The following TNIP1 variants were observed in gnomAD, a reference collection of about 807,000 sequenced individuals.
TNIP1 encodes the protein TNFAIP3-interacting protein 1.
A neutral mutation model predicts 86.6 loss-of-function variants in TNIP1; 22 were observed. The observed-to-expected ratio is 0.25, with a 90% CI of 0.18 to 0.36. The LOEUF is 0.36. TNIP1 is among the 10% of genes least tolerant of loss of function. The pLI is 1.00. For synonymous variants in TNIP1, 294 were observed against 313.0 expected (o/e 0.94, Z 0.64); for missense variants, 709 against 820.6 (o/e 0.86, Z 1.66).
At chr5:151,045,826 G>A in intron 9 of TNIP1, 35 bp downstream of exon 9, 1 of 1,604,416 alleles carries the variant, frequency 6.2e-7, no homozygotes, top group Non-Finnish European at 8.5e-7. Context: ...GGAGGTAAGA[G>A]GGATCCTCCC....
At chr5:151,035,752 G>C (rs988539726) in intron 13 of TNIP1, 45 bp from the exon 14 acceptor site, 4 of 1,609,044 alleles carry the variant, frequency 2.5e-6, no homozygotes, top group Non-Finnish European at 3.4e-6. Context: ...ATGGTCCTGA[G>C]TGGGGATTTC....
chr5:151,032,434 A>G (rs1192149573), intron 16 of TNIP1, 51 bp from the exon 17 acceptor site: 11 of 1,537,086 alleles, frequency 7.2e-6, no homozygotes, highest in African/African-American at 1.4e-5. Context: ...AAAAATTACA[A>G]TAGCACCTAC....
chr5:151,050,234 C>T (rs150678746), intron 7 of TNIP1, among the ~76,000 whole-genome samples: 4 of 152,346 alleles, frequency 2.6e-5, no homozygotes, highest in Admixed American at 6.5e-5. Flanking sequence ...CCCTGGATCA[C>T]ATTCTAGTGA....
chr5:151,038,230 C>T (rs979399952), intron 12 of TNIP1, among the ~76,000 whole-genome samples: 1 of 152,222 alleles, frequency 6.6e-6, no homozygotes, highest in African/African-American at 2.4e-5. Context: ...CCTAGGAATG[C>T]TCAACTCATG....
intron 1 of TNIP1, among the ~76,000 whole-genome samples, chr5:151,074,109 G>A (rs1387578476): frequency 1.3e-5 from 2 of 152,202 alleles, no homozygotes; most frequent in East Asian, 1.9e-4. Flanking sequence ...AGGGACAGAG[G>A]AAGGGGAAAG....
chr5:151,035,433 G>A, intron 14 of TNIP1, 149 bp downstream of exon 14: 1 of 1,139,586 alleles, frequency 8.8e-7, no homozygotes, highest in Admixed American at 2.2e-5. Context: ...TCAGAGAGGG[G>A]AAGGGCCTTG....
intron 6 of TNIP1, among the ~76,000 whole-genome samples, chr5:151,053,969 C>T (rs547691755): frequency 6.6e-6 from 1 of 152,298 alleles, no homozygotes; most frequent in East Asian, 1.9e-4. Flanking sequence ...GGACCAGGGC[C>T]ATTCACTAAA....
At position 151,041,071 on chromosome 5, in the gene TNIP1, CTT is replaced by C. The variant is rs397944698; in HGVS notation, c.1134+1467_1134+1468del. Among the ~76,000 whole-genome samples the C allele has an allele frequency of 4.3e-3, 606 of 139,318 alleles. 2 individuals carry two copies. Among genetic ancestry groups the C allele is most frequent in the African/African-American group, 0.014 (521 of 37,674 alleles). The allele number at this position is 139,318 out of a possible 152,430, so 91.4% of individuals were successfully genotyped here. On this transcript the variant is annotated intron_variant, in intron 11 of 17. Transcript: ENST00000521591. ...TCTCTGTAACTTCTTCTTCGTAGTA[CTT>C]TTTTTTTTTTTTTTTGAGACAGGGT...
intron 1 of TNIP1, among the ~76,000 whole-genome samples, chr5:151,073,034 C>T (rs1337921924): frequency 6.6e-6 from 1 of 152,000 alleles, no homozygotes; most frequent in Non-Finnish European, 1.5e-5. Flanking sequence ...TCAGCCTGGC[C>T]AACATGGCAA....
At position 151,056,862 on chromosome 5, in the gene TNIP1, G is replaced by A. The variant is rs376731584; in HGVS notation, c.531C>T (p.His177=). 9 of 1,605,386 alleles carry A rather than the reference G, an allele frequency of 5.6e-6. No individual in the cohort carries two copies. The African/African-American group carries it at 8.1e-5, about 14-fold the overall frequency. The change falls in exon 6 of 18, where the codon CAC becomes CAT. Residue 177 remains histidine, a synonymous_variant. Coordinates refer to ENST00000521591, the MANE Select transcript of TNIP1 (RefSeq NM_006058.5). ...GGCCCAGGTGGGTGAAGAGCTGGCC[G>A]TGGTCCGGCTCCTCGGCACACACAC... The part of the protein sequence containing the change: ...TLSVCAEEPD[H]GQLFTHLGRM...
chr5:151,060,040 G>A (rs944455609), intron 5 of TNIP1, among the ~76,000 whole-genome samples: 2 of 152,168 alleles, frequency 1.3e-5, no homozygotes, highest in African/African-American at 2.4e-5. Flanking sequence ...CATAGTGTGC[G>A]GAGGTGCCTG....
rs148964549 is a variant in TNIP1, at chr5:151,054,390, CAG to C, written c.628-2133_628-2132del. Among the ~76,000 whole-genome samples, 46 of 152,226 alleles carry C rather than the reference CAG, an allele frequency of 3.0e-4. No individual in the cohort carries two copies. The East Asian group carries it at 6.2e-3, about 20-fold the overall frequency. The stretch of plus-strand genomic sequence containing the variant: ...AATGAGGGAGATGAGGCTTAGCAAA[CAG>C]AGAACCAGCTGGGCATGGTGGCTCA... On this transcript the variant is annotated intron_variant, in intron 6 of 17. Coordinates refer to ENST00000521591, the MANE Select transcript of TNIP1 (RefSeq NM_006058.5).
intron 3 of TNIP1, 73 bp downstream of exon 3, chr5:151,063,540 G>C: frequency 1.3e-6 from 2 of 1,570,084 alleles, no homozygotes; most frequent in Non-Finnish European, 1.7e-6. Context: ...GGCATAAGAA[G>C]GGAGTTCACT....
intron 16 of TNIP1, among the ~76,000 whole-genome samples, chr5:151,033,200 G>A (rs1163157261): frequency 4.8e-5 from 7 of 145,484 alleles, no homozygotes; most frequent in Admixed American, 3.4e-4. Flanking sequence ...GGGGAGAGGA[G>A]CGGAGGGGAG....
rs779301336 is a variant in TNIP1, at chr5:151,035,597, G to C, written c.1506C>G (p.Thr502=). 6.2e-7 allele frequency: 1 copy of C among 1,614,146 alleles called. No homozygotes were observed. The highest frequency in any genetic ancestry group is 8.5e-7 in the Non-Finnish European group (1 of 1,180,016). Reference sequence around the variant, plus strand: ...TCACTCTTACCTGGGCATTTGACAGGGTGACCTGGGCCTGCAGCTTCTCCA... The same window carrying C: ...TCACTCTTACCTGGGCATTTGACAGCGTGACCTGGGCCTGCAGCTTCTCCA... The part of the protein sequence containing the change: ...KQVEKLQAQV[T]LSNAQLKAFK... Residue 502 remains threonine (T), a synonymous_variant, in exon 14 of 18, where the codon ACC becomes ACG. Transcript: ENST00000521591.
At chr5:151,057,736 C>T (rs1760859237) in intron 5 of TNIP1, among the ~76,000 whole-genome samples, 1 of 152,148 alleles carries the variant, frequency 6.6e-6, no homozygotes, top group South Asian at 2.1e-4. Context: ...AAACAAAAAA[C>T]TGTATTGAAC....
intron 5 of TNIP1, among the ~76,000 whole-genome samples, chr5:151,059,430 C>T (rs565629368): frequency 4.6e-5 from 7 of 152,310 alleles, no homozygotes; most frequent in African/African-American, 1.4e-4. Flanking sequence ...GGGGGCCCTG[C>T]ACTGGGCACT....
At chr5:151,045,667 G>C (rs191846014) in intron 9 of TNIP1, among the ~76,000 whole-genome samples, 194 bp downstream of exon 9, 259 of 152,286 alleles carry the variant, frequency 1.7e-3, no homozygotes, top group Admixed American at 2.7e-3. Flanking sequence ...TGTAGGCAAA[G>C]GGACTGATCA....
intron 17 of TNIP1, among the ~76,000 whole-genome samples, chr5:151,031,778 C>T (rs926657728): frequency 1.3e-5 from 2 of 152,162 alleles, no homozygotes; most frequent in African/African-American, 2.4e-5. Context: ...CCTCCCACCA[C>T]GGCCTCTGCA....
Sources: allele counts gnomAD v4.1 joint callset (sites outside exome capture counted in the v4.1 genomes callset), GRCh38; gene constraint gnomAD v4.1.1; transcripts MANE v1.5; gene names NCBI Gene and HGNC (gene_info 2026-07-23, HGNC 2026-07-21).